LMO7: variants seen among roughly 807,000 people sequenced by gnomAD.
The protein encoded by LMO7 is LIM domain only protein 7.
A neutral mutation model predicts 206.5 loss-of-function variants in LMO7; 120 were observed. That is an observed-to-expected ratio of 0.58 (90% CI 0.50 to 0.68). The LOEUF (loss-of-function observed/expected upper bound fraction) is 0.68. Among genes scored for constraint, LMO7 ranks in the 30% least tolerant of loss-of-function variants. The probability of loss-of-function intolerance (pLI) is 0.00; values close to 1 mark genes in which losing one functional copy is unlikely to be tolerated. For synonymous variants in LMO7, 706 were observed against 681.5 expected (o/e 1.04, Z -0.56); for missense variants, 1,959 against 1,957.9 (o/e 1.00, Z -0.01).
chr13:75,739,264 A>G (rs1454260850), intron 3 of LMO7, among the ~76,000 whole-genome samples: 2 of 152,244 alleles, frequency 1.3e-5, no homozygotes, highest in African/African-American at 4.8e-5. Context: ...GATTGAATCA[A>G]ATTCCTCTGA....
At chr13:75,690,429 C>T (rs1306828940) in intron 1 of LMO7, among the ~76,000 whole-genome samples, 1 of 152,154 alleles carries the variant, frequency 6.6e-6, no homozygotes, top group Non-Finnish European at 1.5e-5. Context: ...TATTTGAGAG[C>T]TCCTCCAGGG....
In LMO7 at chr13:75,809,156, T is replaced by C; in HGVS notation, c.1919T>C (p.Leu640Pro). 2 of 1,612,022 alleles carry C rather than the reference T, an allele frequency of 1.2e-6. No individual in the cohort carries two copies. Among genetic ancestry groups the C allele is most frequent in the Non-Finnish European group, 1.7e-6 (2 of 1,178,322 alleles). The stretch of plus-strand genomic sequence containing the variant: ...TTTTTGGTTTTCTGGTTTCTTAGAC[T>C]CTTTCAAAAGATTTATGGTGAGAAT... ...RHKKRLMVER[L>P]FQKIYGENGS... The change falls in exon 11 of 31, where the codon CTC becomes CCC. Residue 640 changes from leucine (L) to proline (P), a missense_variant and splice_region_variant. Physicochemically the swap from Leu to Pro is moderately conservative, Grantham distance 98. Transcript: ENST00000377534.
intron 3 of LMO7, among the ~76,000 whole-genome samples, chr13:75,748,696 C>A (rs1295528338): frequency 1.3e-5 from 2 of 152,016 alleles, no homozygotes; most frequent in African/African-American, 4.8e-5. Context: ...AGGGAAGGGG[C>A]TCTCATAGGA....
intron 1 of LMO7, among the ~76,000 whole-genome samples, chr13:75,692,752 G>T (rs567816384): frequency 6.6e-6 from 1 of 152,058 alleles, no homozygotes; most frequent in African/African-American, 2.4e-5. Flanking sequence ...ACCAGTTATC[G>T]AATGGCTGTG....
intron 14 of LMO7, 76 bp from the exon 15 acceptor site, chr13:75,823,485 TATTA>T: frequency 9.0e-7 from 1 of 1,112,882 alleles, no homozygotes; most frequent in Non-Finnish European, 1.3e-6. Context: ...AGTTTTAAAA[TATTA>T]ATTTAATAAA....
At position 75,690,961 on chromosome 13, in the gene LMO7, A is replaced by G. The variant is rs554085978; in HGVS notation, c.70-22221A>G. Among the ~76,000 whole-genome samples, 183 of 152,334 alleles carry G rather than the reference A, an allele frequency of 1.2e-3. 1 individual carries two copies. Among genetic ancestry groups the G allele is most frequent in the Non-Finnish European group, 1.9e-3 (126 of 68,034 alleles). ...TCAGAGAATGTGTAAGGGATTACCT[A>G]TAAATTGTCTTTACACATAAAATTT... On this transcript the variant is annotated intron_variant, in intron 1 of 30. Coordinates refer to ENST00000377534, the MANE Select transcript of LMO7 (RefSeq NM_001306080.2).
rs900184179 is a variant in LMO7, at chr13:75,809,251, T to C, written c.1946+68T>C. 6.6e-6 allele frequency: 9 copies of C among 1,373,410 alleles called. No individual in the cohort carries two copies. The African/African-American group carries it at 1.3e-4, about 20-fold the overall frequency. The allele number at this position is 1,373,410 out of a possible 1,614,324, so 85.1% of individuals were successfully genotyped here. A position where few individuals can be genotyped will look rare whatever the true frequency, so the allele number is the denominator to read the frequency against. On this transcript the variant is annotated intron_variant, in intron 11 of 30. Transcript: ENST00000377534. The stretch of plus-strand genomic sequence containing the variant: ...TGTTCTTTGTATAACTTACTGTATT[T>C]CTGGCATGGCATGTCACTAAATGGG...
rs188195225 is a variant in LMO7, at chr13:75,748,996, G to A, written c.211-11936G>A. ...AATTTTTTAAGGTTTTTGTAGAGATGAGGTCTCACTGTGTTGCCCAGGCTG... is the reference window on the plus strand; with the variant it reads ...AATTTTTTAAGGTTTTTGTAGAGATAAGGTCTCACTGTGTTGCCCAGGCTG... On this transcript the variant is annotated intron_variant, in intron 3 of 30. Transcript: ENST00000377534. 2.7e-3 allele frequency among the ~76,000 whole-genome samples: 413 copies of A among 152,042 alleles called. 3 individuals are homozygous for A. The highest frequency in any genetic ancestry group is 6.8e-3 in the Middle Eastern group (2 of 294).
chr13:75,630,866 A>G (rs1446778795), intron 2 of LMO7, among the ~76,000 whole-genome samples: 7 of 151,902 alleles, frequency 4.6e-5, no homozygotes, highest in Admixed American at 4.6e-4. Context: ...ATGTTGGCCC[A>G]GCTGGTTTCG....
chr13:75,652,770 TAAAA>T (rs899603376), intron 1 of LMO7, among the ~76,000 whole-genome samples: 2 of 151,982 alleles, frequency 1.3e-5, no homozygotes, highest in African/African-American at 4.8e-5. Context: ...TTATTAAACT[TAAAA>T]AAACCTCACT....
At chr13:75,663,526 G>A (rs1215469279) in intron 1 of LMO7, among the ~76,000 whole-genome samples, 1 of 148,832 alleles carries the variant, frequency 6.7e-6, no homozygotes, top group African/African-American at 2.5e-5. Flanking sequence ...TGCCTCCCGG[G>A]TTCACACCAT....
At chr13:75,798,081 A>G (rs577751663) in intron 6 of LMO7, among the ~76,000 whole-genome samples, 4 of 152,254 alleles carry the variant, frequency 2.6e-5, no homozygotes, top group Admixed American at 1.3e-4. Flanking sequence ...ATTAAAACCT[A>G]TGTGGGGGGC....
chr13:75,716,548 A>G (rs1329133082), intron 2 of LMO7, among the ~76,000 whole-genome samples: 1 of 152,048 alleles, frequency 6.6e-6, no homozygotes, highest in Non-Finnish European at 1.5e-5. Flanking sequence ...ACACTGTCTG[A>G]TATTTTTGCT....
At chr13:75,662,558 A>G (rs961698591) in intron 1 of LMO7, among the ~76,000 whole-genome samples, 4 of 152,324 alleles carry the variant, frequency 2.6e-5, no homozygotes, top group Non-Finnish European at 5.9e-5. Context: ...AGCTCAAGCA[A>G]TCTGCCTGCT....
intron 3 of LMO7, among the ~76,000 whole-genome samples, chr13:75,731,877 C>G (rs2045270869): frequency 6.6e-6 from 1 of 151,852 alleles, no homozygotes; most frequent in Non-Finnish European, 1.5e-5. Context: ...TTTATTTCTC[C>G]TTCGCTTATG....
intron 1 of LMO7, among the ~76,000 whole-genome samples, chr13:75,641,887 T>G (rs1209177751): frequency 6.6e-6 from 1 of 152,050 alleles, no homozygotes; most frequent in Non-Finnish European, 1.5e-5. Flanking sequence ...CTCAAACTCC[T>G]GGCCTCAAGT....
Position 75,672,142 on chromosome 13 carries a change from G to A in LMO7, c.69+35416G>A, listed in dbSNP as rs780625540. Among the ~76,000 whole-genome samples, 35 of 151,988 alleles carry A rather than the reference G, an allele frequency of 2.3e-4. 1 individual carries two copies. The highest frequency in any genetic ancestry group is 1.9e-4 in the East Asian group (1 of 5,182). The stretch of plus-strand genomic sequence containing the variant: ...GTTAAACCTGCAGATACAGAGAGCC[G>A]GCTGTATGCACACTCTTGTGTCCCT... On this transcript the variant is annotated intron_variant, in intron 1 of 30. Transcript: ENST00000377534.
At chr13:75,807,151 C>G (rs78253815) in intron 9 of LMO7, 9,308 of 227,720 alleles carry the variant, frequency 0.041, 222 homozygotes, top group Non-Finnish European at 0.052. Context: ...AAACAAAAAA[C>G]AGGGTACCAG....
Position 75,807,949 on chromosome 13 carries a change from A to G in LMO7, c.1666A>G (p.Lys556Glu), listed in dbSNP as rs1239788785. The G allele has an allele frequency of 6.2e-7, 1 of 1,613,976 alleles. No homozygotes were observed. Among genetic ancestry groups the G allele is most frequent in the Admixed American group, 1.7e-5 (1 of 60,024 alleles). ...GACTCTTCCTCCAGAAATTCAAGCA[A>G]AATTTCTCTGTGTACTTGAAAGGAC... ...PWTLPPEIQA[K>E]FLCVLERTCP... The change falls in exon 10 of 31, where the codon AAA becomes GAA. Residue 556 changes from lysine to glutamate, a missense_variant. Physicochemically the swap from Lys to Glu is moderately conservative, Grantham distance 56 (BLOSUM62 1). Transcript: ENST00000377534.
Sources: gnomAD v4.1 joint callset for allele counts (sites outside exome capture counted in the v4.1 genomes callset) on GRCh38, gnomAD v4.1.1 for gene constraint, MANE v1.5 for transcripts, NCBI Gene and HGNC (gene_info 2026-07-23, HGNC 2026-07-21) for gene names.